AIG1: variants seen among roughly 807,000 people sequenced by gnomAD.
AIG1 encodes the protein androgen induced 1, also known as androgen-induced gene 1 protein.
Under a neutral mutation model 31.4 loss-of-function variants are expected in AIG1, and 23 were observed. The observed-to-expected ratio is 0.73, with a 90% CI of 0.53 to 1.04. The LOEUF is 1.04. Ranked by LOEUF, AIG1 falls within the 50% of genes least tolerant of loss-of-function variation. The pLI, the probability that AIG1 is intolerant of heterozygous loss-of-function variation, is 0.00. For missense variants in AIG1, 274 were observed against 295.0 expected (o/e 0.93, Z 0.52); for synonymous variants, 100 against 110.5 (o/e 0.90, Z 0.60).
chr6:143,219,544 CA>C (rs1792306052), intron 3 of AIG1, among the ~76,000 whole-genome samples: 1 of 152,158 alleles, frequency 6.6e-6, no homozygotes, highest in African/African-American at 2.4e-5. Flanking sequence ...TTGTTTTTAG[CA>C]ACGCAACTCA....
chr6:143,327,553 T>G lies in AIG1; in HGVS notation c.516-5729T>G. 3 of 379,436 alleles carry G rather than the reference T, an allele frequency of 7.9e-6. No homozygotes were observed. The highest frequency in any genetic ancestry group is 1.5e-5 in the Non-Finnish European group (3 of 200,924). 23.5% of individuals were successfully genotyped at this position (379,436 alleles called of 1,614,324 possible). On this transcript the variant is annotated intron_variant, in intron 4 of 5. Coordinates refer to ENST00000357847, the MANE Select transcript of AIG1 (RefSeq NM_016108.4). The surrounding 1 kb of genome is among the most constrained non-coding windows in gnomAD (Gnocchi z 5.3). ...ACCATGTGTGGTTGTCCAGAAAATA[T>G]TCTGAGGATGAAGATTCACCAAATA...
rs560233268 is a variant in AIG1 at position 143,328,038 on chromosome 6, A to C, written c.516-5244A>C. Among the ~76,000 whole-genome samples, 3 of 152,228 alleles carry C rather than the reference A, an allele frequency of 2.0e-5. No individual in the cohort carries two copies. Among genetic ancestry groups the C allele is most frequent in the African/African-American group, 4.8e-5 (2 of 41,452 alleles). On this transcript the variant is annotated intron_variant, in intron 4 of 5. Transcript: ENST00000357847. The surrounding 1 kb of genome is among the most constrained non-coding windows in gnomAD (Gnocchi z 4.0). ...GAATGAACTCATCAACTGAGAATGC[A>C]TAAGAGAAAACAGTTTGGAAACCAA...
At chr6:143,090,242 CT>C (rs1331086719) in intron 1 of AIG1, among the ~76,000 whole-genome samples, 1 of 152,138 alleles carries the variant, frequency 6.6e-6, no homozygotes, top group Non-Finnish European at 1.5e-5. Flanking sequence ...GCTTTAATTT[CT>C]TCATCTGAAA....
chr6:143,081,126 C>T (rs12664262), intron 1 of AIG1, among the ~76,000 whole-genome samples: 9,386 of 152,120 alleles, frequency 0.062, 686 homozygotes, highest in East Asian at 0.37. Context: ...GGGACAGTTT[C>T]GGATTCTTAG....
At chr6:143,175,985 G>A (rs1397434307) in intron 3 of AIG1, among the ~76,000 whole-genome samples, 2 of 152,168 alleles carry the variant, frequency 1.3e-5, no homozygotes, top group Non-Finnish European at 2.9e-5. Context: ...AGATTCTTTG[G>A]TCCCTCAGGG....
At chr6:143,117,518 T>G (rs140968544) in intron 1 of AIG1, among the ~76,000 whole-genome samples, 1 of 152,046 alleles carries the variant, frequency 6.6e-6, no homozygotes, top group African/African-American at 2.4e-5. Context: ...TCCATTGAGA[T>G]GAGGATGACG....
rs1466699715 is a variant in AIG1 at position 143,326,383 on chromosome 6, C to CAAA, written c.516-6898_516-6897insAAA. Among the ~76,000 whole-genome samples, 652 of 152,220 alleles carry CAAA rather than the reference C, an allele frequency of 4.3e-3. 4 individuals are homozygous for CAAA. The highest frequency in any genetic ancestry group is 0.015 in the African/African-American group (627 of 41,534). ...TTTTGGCTAGAAAGTTCTTTCCTCC[C>CAAA]ATCTTTACTCAATGAATTCTTATCC... On this transcript the variant is annotated intron_variant, in intron 4 of 5. Transcript: ENST00000357847. The surrounding 1 kb of genome is among the most constrained non-coding windows in gnomAD (Gnocchi z 4.5).
chr6:143,104,494 A>G (rs1478113800), intron 1 of AIG1, among the ~76,000 whole-genome samples: 2 of 152,196 alleles, frequency 1.3e-5, no homozygotes, highest in East Asian at 1.9e-4. Context: ...TGTAGTTCCA[A>G]AGACCTTTGA....
intron 3 of AIG1, among the ~76,000 whole-genome samples, chr6:143,175,561 G>A (rs975552853): frequency 1.3e-5 from 2 of 152,016 alleles, no homozygotes; most frequent in Non-Finnish European, 2.9e-5. Context: ...TTGTCTTTGA[G>A]CTCTGAAGTT....
intron 2 of AIG1, among the ~76,000 whole-genome samples, chr6:143,148,143 C>CTGTATAATG (rs1784859262): frequency 6.6e-6 from 1 of 152,058 alleles, no homozygotes; most frequent in Non-Finnish European, 1.5e-5. Flanking sequence ...CAGTTATGTG[C>CTGTATAATG]TGTATAATGA....
At chr6:143,187,307 A>T in intron 3 of AIG1, 1 of 1,198,990 alleles carries the variant, frequency 8.3e-7, no homozygotes, top group Non-Finnish European at 1.2e-6. Context: ...TAATATTCAC[A>T]CATATGGCAA....
chr6:143,305,436 G>A (rs1375731728), intron 4 of AIG1, among the ~76,000 whole-genome samples: 3 of 152,002 alleles, frequency 2.0e-5, no homozygotes, highest in East Asian at 1.9e-4. Context: ...CTTTGTTCTC[G>A]TTGGTTTCCA....
chr6:143,079,201 G>T (rs1257596428), intron 1 of AIG1, among the ~76,000 whole-genome samples: 1 of 151,952 alleles, frequency 6.6e-6, no homozygotes, highest in Admixed American at 6.6e-5. Context: ...TTTTTCTTGG[G>T]GTTTTAGGTA....
At chr6:143,214,402 A>G (rs1791840365) in intron 3 of AIG1, among the ~76,000 whole-genome samples, 1 of 152,250 alleles carries the variant, frequency 6.6e-6, no homozygotes, top group East Asian at 1.9e-4. Context: ...GGAGCTTCCC[A>G]GGATGGCTAT....
chr6:143,276,457 G>C (rs113706145), intron 3 of AIG1, among the ~76,000 whole-genome samples: 2 of 152,308 alleles, frequency 1.3e-5, no homozygotes, highest in Non-Finnish European at 1.5e-5. Context: ...TCTGGTGTAA[G>C]AGCATCTCAG....
At chr6:143,200,778 C>T (rs1483372621) in intron 3 of AIG1, among the ~76,000 whole-genome samples, 1 of 152,150 alleles carries the variant, frequency 6.6e-6, no homozygotes, top group African/African-American at 2.4e-5. Flanking sequence ...TGGACATTTA[C>T]GTATTGTGTT....
At chr6:143,343,077 C>A (rs1271934977), downstream of AIG1, 2 of 779,284 alleles carry the variant, frequency 2.6e-6, no homozygotes, top group Non-Finnish European at 4.8e-6. Flanking sequence ...GTGCATCTCG[C>A]GCCATCATGA....
At chr6:143,141,657 A>C (rs1215270771) in intron 2 of AIG1, among the ~76,000 whole-genome samples, 1 of 152,230 alleles carries the variant, frequency 6.6e-6, no homozygotes, top group Admixed American at 6.5e-5. Context: ...CTAATTTTGC[A>C]GGGATAACCC....
At chr6:143,097,153 G>GT (rs2128480656) in intron 1 of AIG1, among the ~76,000 whole-genome samples, 1 of 151,710 alleles carries the variant, frequency 6.6e-6, no homozygotes, top group Non-Finnish European at 1.5e-5. Flanking sequence ...GAAAAGTGAA[G>GT]TTTTTTGTTT....
Sources: gnomAD v4.1 joint callset for allele counts (sites outside exome capture counted in the v4.1 genomes callset) on GRCh38, gnomAD v4.1.1 for gene constraint, Gnocchi (gnomAD v3.1) non-coding constraint, MANE v1.5 for transcripts, NCBI Gene and HGNC (gene_info 2026-07-23, HGNC 2026-07-21) for gene names.